Variants in NRXN3 observed in about 807,000 individuals in gnomAD.
NRXN3 encodes neurexin 3.
A neutral mutation model predicts 137.6 loss-of-function variants in NRXN3; 32 were observed. That is an observed-to-expected ratio of 0.23 (90% CI 0.18 to 0.31). The LOEUF is 0.31. Among genes scored for constraint, NRXN3 ranks in the 10% least tolerant of loss-of-function variants. The pLI is 1.00. For missense variants in NRXN3, 1,574 were observed against 2,062.5 expected, an observed-to-expected ratio of 0.76 and a Z score of 4.59; for synonymous variants, 798 against 784.5, an observed-to-expected ratio of 1.02 and a Z score of -0.29.
At chr14:79,123,420 C>T (rs2055837279) in intron 15 of NRXN3, among the ~76,000 whole-genome samples, 1 of 152,084 alleles carries the variant, frequency 6.6e-6, no homozygotes, top group East Asian at 1.9e-4. Flanking sequence ...AATAAAACAT[C>T]CATATAATAG....
intron 15 of NRXN3, among the ~76,000 whole-genome samples, chr14:79,002,828 C>T (rs555047555): frequency 1.6e-4 from 24 of 152,226 alleles, no homozygotes; most frequent in Non-Finnish European, 2.8e-4. Context: ...ATTTACATTC[C>T]CACCAACAGT....
chr14:79,527,035 C>A (rs2097126712), intron 16 of NRXN3, among the ~76,000 whole-genome samples: 1 of 152,040 alleles, frequency 6.6e-6, no homozygotes, highest in Non-Finnish European at 1.5e-5. Context: ...GCCTGTAATC[C>A]CAGCAGTTTG....
At chr14:79,100,240 TGAAA>T (rs2051025960) in intron 15 of NRXN3, among the ~76,000 whole-genome samples, 1 of 152,206 alleles carries the variant, frequency 6.6e-6, no homozygotes, top group Admixed American at 6.5e-5. Flanking sequence ...TGTATGTATC[TGAAA>T]GAATGAGAGG....
At chr14:78,667,900 C>T (rs1171023095) in intron 6 of NRXN3, among the ~76,000 whole-genome samples, 1 of 152,108 alleles carries the variant, frequency 6.6e-6, no homozygotes, top group Non-Finnish European at 1.5e-5. Context: ...TCTCCTGCCT[C>T]TGCCTCCCGA....
At chr14:78,250,601 G>A (rs562573647) in intron 2 of NRXN3, among the ~76,000 whole-genome samples, 3 of 152,358 alleles carry the variant, frequency 2.0e-5, no homozygotes, top group Admixed American at 6.5e-5. Flanking sequence ...GCCGGCAAAC[G>A]TGTGGTGTTC....
At chr14:79,277,718 G>A (rs530403731) in intron 15 of NRXN3, among the ~76,000 whole-genome samples, 38 of 152,308 alleles carry the variant, frequency 2.5e-4, no homozygotes, top group Middle Eastern at 3.4e-3. Flanking sequence ...TGGTGTCCCT[G>A]AGAGCATGCT....
intron 15 of NRXN3, among the ~76,000 whole-genome samples, chr14:79,007,469 A>T (rs914798192): frequency 2.0e-5 from 3 of 151,098 alleles, no homozygotes; most frequent in South Asian, 2.1e-4. Context: ...TTTTTTTTTT[A>T]AAGGCAATAG....
chr14:78,706,394 C>T (rs2098349808), intron 6 of NRXN3, among the ~76,000 whole-genome samples: 1 of 152,188 alleles, frequency 6.6e-6, no homozygotes, highest in Non-Finnish European at 1.5e-5. Context: ...CCCAGTTTAG[C>T]TAAAATGAAA....
At chr14:78,744,575 C>A (rs1343295646) in intron 8 of NRXN3, 1 of 152,100 alleles carries the variant, frequency 6.6e-6, no homozygotes, top group Non-Finnish European at 1.5e-5. Context: ...AACATTATTC[C>A]CATTTTATAG....
chr14:78,762,206 C>T (rs1348392034), intron 8 of NRXN3, among the ~76,000 whole-genome samples: 3 of 152,166 alleles, frequency 2.0e-5, no homozygotes, highest in Admixed American at 6.5e-5. Context: ...TAGGAAATCA[C>T]GATGTATCGG....
chr14:79,646,081 G>A (rs971438983), intron 16 of NRXN3, among the ~76,000 whole-genome samples: 7 of 136,058 alleles, frequency 5.1e-5, no homozygotes, highest in African/African-American at 1.7e-4. Flanking sequence ...TAAATTGCAG[G>A]TTGTACTGCT....
intron 1 of NRXN3, among the ~76,000 whole-genome samples, chr14:78,193,623 G>A (rs1374380837): frequency 6.6e-6 from 1 of 152,118 alleles, no homozygotes; most frequent in Non-Finnish European, 1.5e-5. Context: ...TTAGCTGGAT[G>A]TGGTGGCGCA....
At chr14:79,131,304 T>A (rs867427929) in intron 15 of NRXN3, among the ~76,000 whole-genome samples, 1 of 152,026 alleles carries the variant, frequency 6.6e-6, no homozygotes, top group Non-Finnish European at 1.5e-5. Flanking sequence ...CCCATCTTTG[T>A]GGTTTTATCT....
At chr14:79,457,062 A>G (rs2096267858) in intron 15 of NRXN3, among the ~76,000 whole-genome samples, 1 of 152,008 alleles carries the variant, frequency 6.6e-6, no homozygotes, top group South Asian at 2.1e-4. Flanking sequence ...AAAAAAAAAA[A>G]AAGTTCATTG....
intron 15 of NRXN3, among the ~76,000 whole-genome samples, chr14:79,461,829 T>C (rs2153604462): frequency 1.3e-5 from 2 of 152,092 alleles, no homozygotes; most frequent in South Asian, 4.2e-4. Flanking sequence ...GAAAGAGTAA[T>C]AAAAAAGAAA....
intron 11 of NRXN3, among the ~76,000 whole-genome samples, chr14:78,964,503 C>T (rs1372210560): frequency 6.6e-6 from 1 of 152,194 alleles, no homozygotes; most frequent in East Asian, 1.9e-4. Context: ...CACAGCTTCT[C>T]TTTGCAGATC....
intron 10 of NRXN3, among the ~76,000 whole-genome samples, chr14:78,938,848 C>CTTTTT (rs1255540319): frequency 1.9e-4 from 25 of 132,030 alleles, no homozygotes; most frequent in Non-Finnish European, 3.3e-4. Flanking sequence ...AGTGATTTTT[C>CTTTTT]TTTTTTTTTT....
intron 6 of NRXN3, among the ~76,000 whole-genome samples, chr14:78,667,862 C>A (rs952569202): frequency 1.3e-5 from 2 of 152,094 alleles, no homozygotes; most frequent in Non-Finnish European, 2.9e-5. Context: ...CAGCTCACTG[C>A]AACCTCTGCC....
chr14:78,203,944 A>AT lies in NRXN3; in HGVS notation c.-704+33279dup, dbSNP rs75141932. On this transcript the variant is annotated intron_variant, in intron 1 of 20. Coordinates refer to ENST00000335750, the MANE Select transcript of NRXN3 (RefSeq NM_001330195.2). The stretch of plus-strand genomic sequence containing the variant: ...TTACAGAAACACACTGTGTTGTCTG[A>AT]TTTTTTTTTCCTGATTTTAGTGTTA... Among the ~76,000 whole-genome samples the AT allele has an allele frequency of 7.4e-3, 1,089 of 147,340 alleles. 38 individuals carry two copies. The East Asian group carries it at 0.1, about 14-fold the overall frequency.
Sources: allele counts gnomAD v4.1 joint callset (sites outside exome capture counted in the v4.1 genomes callset), GRCh38; gene constraint gnomAD v4.1.1; transcripts MANE v1.5; gene names NCBI Gene and HGNC (gene_info 2026-07-23, HGNC 2026-07-21).